PDE6B: variants seen among roughly 807,000 people sequenced by gnomAD.
PDE6B encodes phosphodiesterase 6B.
In PDE6B, 106 loss-of-function variants were observed where a neutral mutation model predicts 109.0. That is an observed-to-expected ratio of 0.97 (90% CI 0.83 to 1.14). The LOEUF (loss-of-function observed/expected upper bound fraction) is 1.14, where lower values mean the gene tolerates loss of function less well. Ranked by LOEUF, PDE6B falls within the 50% of genes most tolerant of loss-of-function variation. PDE6B has a pLI of 0.00. For synonymous variants in PDE6B, 490 were observed against 471.3 expected, an observed-to-expected ratio of 1.04 and a Z score of -0.51; for missense variants, 1,193 against 1,155.6, an observed-to-expected ratio of 1.03 and a Z score of -0.47.
rs36060793 is a variant in PDE6B at position 636,658 on chromosome 4, G to A, written c.711+689G>A. Among the ~76,000 whole-genome samples, 4,424 of 152,284 alleles carry A rather than the reference G, an allele frequency of 0.029. 65 individuals are homozygous for A. Among genetic ancestry groups the A allele is most frequent in the Middle Eastern group, 0.041 (12 of 294 alleles). On this transcript the variant is annotated intron_variant, in intron 3 of 21. Coordinates refer to ENST00000496514, the MANE Select transcript of PDE6B (RefSeq NM_000283.4). This position sits in a 1 kb window ranked among gnomAD's most constrained non-coding sequence, Gnocchi z 4.5. The stretch of plus-strand genomic sequence containing the variant: ...AGCCACAAAGGAGAACTGTGAAGAC[G>A]GCGGTCACCTCCTGCCTTCTCCGTG...
chr4:651,284 C>T (rs1735525008), intron 3 of PDE6B, among the ~76,000 whole-genome samples: 2 of 150,496 alleles, frequency 1.3e-5, no homozygotes, highest in African/African-American at 4.9e-5. Flanking sequence ...GCAGTGGGGC[C>T]GTCACAGGCG....
At position 654,070 on chromosome 4, in the gene PDE6B, C is replaced by T; in HGVS notation, c.853-10C>T. 2 of 1,613,902 alleles carry T rather than the reference C, an allele frequency of 1.2e-6. No individual in the cohort carries two copies. The highest frequency in any genetic ancestry group is 2.2e-5 in the South Asian group (2 of 91,076). ...AGTGACCGCCCCACCCTCACCTCTT[C>T]TCTGCCCAGGAATTTTTTGACGTGT... is the stretch of plus-strand genomic sequence containing the variant. On this transcript the variant is annotated splice_polypyrimidine_tract_variant and intron_variant, in intron 4 of 21. Coordinates refer to ENST00000496514, the MANE Select transcript of PDE6B (RefSeq NM_000283.4).
intron 11 of PDE6B, among the ~76,000 whole-genome samples, chr4:660,061 G>A (rs917655310): frequency 3.9e-5 from 6 of 152,128 alleles, no homozygotes; most frequent in Non-Finnish European, 8.8e-5. Flanking sequence ...GGGTGTGCCT[G>A]GGTGCTCATG....
Position 635,965 on chromosome 4 carries a change from G to A in PDE6B, c.707G>A (p.Gly236Asp), listed in dbSNP as rs1577247215. 3 of 1,590,760 alleles carry A rather than the reference G, an allele frequency of 1.9e-6. No individual in the cohort carries two copies. Among genetic ancestry groups the A allele is most frequent in the Non-Finnish European group, 2.6e-6 (3 of 1,158,844 alleles). ...CTCCACAACTGCGAGACGCGCCGCGGCCAGGTACCCACACGCTGAGCACAG... is the reference window on the plus strand; with the variant it reads ...CTCCACAACTGCGAGACGCGCCGCGACCAGGTACCCACACGCTGAGCACAG... ...SYLHNCETRR[G>D]QVLLWSANKV... The change falls in exon 3 of 22, where the codon GGC becomes GAC. Residue 236 changes from glycine to aspartate, a missense_variant. By Grantham distance (94) the Gly-to-Asp change is moderately conservative. Transcript: ENST00000496514.
rs527236090 is a variant in PDE6B at position 655,939 on chromosome 4, G to C, written c.993-1G>C. 1 of 1,605,186 alleles carries C rather than the reference G, an allele frequency of 6.2e-7. No individual in the cohort carries two copies. The highest frequency in any genetic ancestry group is 2.2e-5 in the East Asian group (1 of 44,838). On this transcript the variant is annotated splice_acceptor_variant, in intron 6 of 21. Transcript: ENST00000496514. LOFTEE classifies it high-confidence loss of function. ...ATCTGACCCCTGCTCTCTGCCCACA[G>C]CACACCCTCAGCCGATCACTGGGCC...
chr4:625,612 G>C lies in PDE6B; in HGVS notation c.-15G>C, dbSNP rs1484474636. ...GTGCCTGGAGCAGCAGCGTCTCCAG[G>C]GACAGGCAGCCACCATGAGCCTCAG... is the stretch of plus-strand genomic sequence containing the variant. On this transcript the variant is annotated 5_prime_UTR_variant, in exon 1 of 22. Transcript: ENST00000496514. This position sits in a 1 kb window ranked among gnomAD's most constrained non-coding sequence, Gnocchi z 5.0. 2 of 1,583,826 alleles carry C rather than the reference G, an allele frequency of 1.3e-6. No homozygotes were observed. The highest frequency in any genetic ancestry group is 1.7e-5 in the Admixed American group (1 of 59,988).
chr4:635,904 G>C lies in PDE6B; in HGVS notation c.646G>C (p.Ala216Pro). 2 of 1,600,162 alleles carry C rather than the reference G, an allele frequency of 1.2e-6. No individual in the cohort carries two copies. The highest frequency in any genetic ancestry group is 8.6e-7 in the Non-Finnish European group (1 of 1,167,272). ...EDVFLKYLNF[A>P]TLYLKIYHLS... Reference sequence around the variant, plus strand: ...GGTGTTCTTGAAGTACCTGAATTTTGCCACGTTGTACCTGAAGATCTATCA... The same window carrying C: ...GGTGTTCTTGAAGTACCTGAATTTTCCCACGTTGTACCTGAAGATCTATCA... The change falls in exon 3 of 22, where the codon GCC (alanine) becomes CCC (proline). Residue 216 changes from alanine to proline, a missense_variant. Ala to Pro is a conservative substitution (Grantham distance 27). Transcript: ENST00000496514.
At chr4:634,603 C>T (rs558054480) in intron 1 of PDE6B, 74 bp from the exon 2 acceptor site, 16 of 1,254,110 alleles carry the variant, frequency 1.3e-5, no homozygotes, top group Admixed American at 8.4e-5. Flanking sequence ...CAGAGCTTGA[C>T]GACAACCCCA....
At chr4:640,555 A>G (rs1560107750) in intron 3 of PDE6B, among the ~76,000 whole-genome samples, 3 of 152,122 alleles carry the variant, frequency 2.0e-5, no homozygotes, top group Non-Finnish European at 4.4e-5. Context: ...AAAAAAATCC[A>G]ACTTAGCATT....
At chr4:630,509 C>T (rs113957194) in intron 1 of PDE6B, among the ~76,000 whole-genome samples, 3,609 of 152,266 alleles carry the variant, frequency 0.024, 144 homozygotes, top group African/African-American at 0.083. Flanking sequence ...CGATGGCAGA[C>T]TTACAAAAAA....
chr4:664,853 A>G (rs1297947394), intron 17 of PDE6B, 28 bp from the exon 18 acceptor site: 4 of 1,594,564 alleles, frequency 2.5e-6, no homozygotes, highest in Non-Finnish European at 3.4e-6. Flanking sequence ...GACGCCCATC[A>G]GCACTCGTGC....
At chr4:641,716 A>G (rs183595289) in intron 3 of PDE6B, among the ~76,000 whole-genome samples, 437 of 152,296 alleles carry the variant, frequency 2.9e-3, no homozygotes, top group Non-Finnish European at 4.5e-3. Flanking sequence ...GTGCAATCTC[A>G]GCTCACTGCA....
Position 666,402 on chromosome 4 carries a change from C to G in PDE6B, c.2269-129C>G, listed in dbSNP as rs1052622104. Reference sequence around the variant, plus strand: ...AGCTTCCCCTCCCGAGAGCCAGTTTCTGTCAGGCAGGCTCGTCCCAGGCTG... The same window carrying G: ...AGCTTCCCCTCCCGAGAGCCAGTTTGTGTCAGGCAGGCTCGTCCCAGGCTG... On this transcript the variant is annotated intron_variant, in intron 19 of 21. Transcript: ENST00000496514. The surrounding 1 kb of genome is among the most constrained non-coding windows in gnomAD (Gnocchi z 5.6). 2.8e-6 allele frequency: 2 copies of G among 714,896 alleles called. No individual in the cohort carries two copies. The highest frequency in any genetic ancestry group is 3.5e-5 in the African/African-American group (2 of 57,514). 44.3% of individuals were successfully genotyped at this position (714,896 alleles called of 1,614,324 possible). A position where few individuals can be genotyped will look rare whatever the true frequency, so the allele number is the denominator to read the frequency against.
intron 3 of PDE6B, among the ~76,000 whole-genome samples, chr4:639,339 G>T (rs1214835120): frequency 3.9e-5 from 6 of 151,946 alleles, no homozygotes; most frequent in African/African-American, 1.5e-4. Flanking sequence ...ACAGGGTCTT[G>T]CTGTGTTGCC....
chr4:634,557 C>G (rs1734548643), intron 1 of PDE6B, 120 bp from the exon 2 acceptor site: 2 of 864,034 alleles, frequency 2.3e-6, no homozygotes, highest in African/African-American at 1.6e-5. Context: ...CAGCAGGGCC[C>G]CTGGGCACCT....
chr4:634,580 G>T, intron 1 of PDE6B, 97 bp from the exon 2 acceptor site: 1 of 1,023,842 alleles, frequency 9.8e-7, no homozygotes, highest in Non-Finnish European at 1.6e-6. Context: ...CACCTGGAGG[G>T]CAGCAGCCCC....
rs1438648560 is a variant in PDE6B, at chr4:633,345, C to T, written c.469-1332C>T. Among the ~76,000 whole-genome samples the T allele has an allele frequency of 6.6e-6, 1 of 152,240 alleles. No individual in the cohort carries two copies. The highest frequency in any genetic ancestry group is 2.4e-5 in the African/African-American group (1 of 41,460). ...CCACCATCTTTTAAATGCTGGTTTT[C>T]CTTCAATGCCAGCCCACATGGCTAT... is the stretch of plus-strand genomic sequence containing the variant. On this transcript the variant is annotated intron_variant, in intron 1 of 21. Transcript: ENST00000496514. This position sits in a 1 kb window ranked among gnomAD's most constrained non-coding sequence, Gnocchi z 4.5.
intron 9 of PDE6B, 80 bp from the exon 10 acceptor site, chr4:657,271 C>T (rs954158538): frequency 6.5e-7 from 1 of 1,544,476 alleles, no homozygotes; most frequent in Non-Finnish European, 8.9e-7. Context: ...GCCCGCCGAG[C>T]CACGGGGCCT....
rs1037818285 is a variant in PDE6B at position 663,352 on chromosome 4, G to A, written c.1920+165G>A. Among the ~76,000 whole-genome samples, 11 of 152,232 alleles carry A rather than the reference G, an allele frequency of 7.2e-5. No individual in the cohort carries two copies. Among genetic ancestry groups the A allele is most frequent in the African/African-American group, 2.7e-4 (11 of 41,474 alleles). On this transcript the variant is annotated intron_variant, in intron 15 of 21. Transcript: ENST00000496514. The surrounding 1 kb of genome is among the most constrained non-coding windows in gnomAD (Gnocchi z 4.0). ...AGAAGGCGGAGGGCCGAGGCTGAGGGCAGGTGCATCGGAGGCCCTGGGAAA... is the reference window on the plus strand; with the variant it reads ...AGAAGGCGGAGGGCCGAGGCTGAGGACAGGTGCATCGGAGGCCCTGGGAAA...
Sources: gnomAD v4.1 joint callset for allele counts (sites outside exome capture counted in the v4.1 genomes callset) on GRCh38, gnomAD v4.1.1 for gene constraint, Gnocchi (gnomAD v3.1) non-coding constraint, MANE v1.5 for transcripts, NCBI Gene and HGNC (gene_info 2026-07-23, HGNC 2026-07-21) for gene names.